The following ATRN variants were observed in gnomAD, a reference collection of about 807,000 sequenced individuals.
The protein encoded by ATRN is attractin.
A neutral mutation model predicts 178.7 loss-of-function variants in ATRN; 54 were observed. The ratio of observed to expected loss-of-function variants is 0.30; its 90% CI spans 0.24 to 0.38. The LOEUF (loss-of-function observed/expected upper bound fraction) is 0.38. ATRN is among the 10% of genes least tolerant of loss of function. ATRN has a pLI of 1.00. For missense variants in ATRN, 1,443 were observed against 1,815.1 expected (o/e 0.79, Z 3.73); for synonymous variants, 636 against 663.0 (o/e 0.96, Z 0.63).
chr20:3,604,387 A>G (rs1018628204), intron 24 of ATRN, 125 bp downstream of exon 24: 24 of 1,119,798 alleles, frequency 2.1e-5, no homozygotes, highest in South Asian at 1.3e-4. Context: ...TGTAACGTGT[A>G]TGGCAGAGGA....
chr20:3,474,263 C>T (rs1317867561), intron 1 of ATRN, among the ~76,000 whole-genome samples: 2 of 152,126 alleles, frequency 1.3e-5, no homozygotes, highest in Non-Finnish European at 2.9e-5. Context: ...TGTGGACATT[C>T]CCTTTGAGCT....
chr20:3,646,781 G>A lies in ATRN; in HGVS notation c.4224G>A (p.Lys1408=). The change falls in exon 29 of 29, where the codon AAG becomes AAA. Residue 1408 remains lysine (K), a synonymous_variant. Transcript: ENST00000262919. ...DISQQMPIVY[K]EKSGAVRNRK... ...CTCAGCAGATGCCGATAGTGTACAA[G>A]GAGAAGTCAGGAGCCGTGAGAAACC... 1 of 1,609,964 alleles carries A rather than the reference G, an allele frequency of 6.2e-7. No individual in the cohort carries two copies. Among genetic ancestry groups the A allele is most frequent in the Non-Finnish European group, 8.5e-7 (1 of 1,178,232 alleles).
At chr20:3,549,085 T>G in intron 5 of ATRN, 85 bp from the exon 6 acceptor site, 1 of 1,085,634 alleles carries the variant, frequency 9.2e-7, no homozygotes, top group South Asian at 1.6e-5. Context: ...ATTTAAATAT[T>G]TGTTACATTT....
chr20:3,601,160 T>G (rs1444735607), intron 23 of ATRN, 136 bp downstream of exon 23: 1 of 666,884 alleles, frequency 1.5e-6, no homozygotes, highest in African/African-American at 1.8e-5. Flanking sequence ...CTATGAGACC[T>G]TGAGCAAGTA....
chr20:3,471,174 G>T lies in ATRN; in HGVS notation c.67G>T (p.Ala23Ser), dbSNP rs1229822389. ...GAGGACGGCGGCGACGGCAGCGCTC[G>T]CGGGCAGGAGCGGCGGGCCGCACTG... ...RRRTAATAAL[A>S]GRSGGPHWDW... is the part of the protein sequence containing the mutation. Residue 23 changes from alanine to serine, a missense_variant, in exon 1 of 29, where the codon GCG (alanine) becomes TCG (serine). Coordinates refer to ENST00000262919, the MANE Select transcript of ATRN (RefSeq NM_139321.3). 6.7e-7 allele frequency: 1 copy of T among 1,503,272 alleles called. No individual in the cohort carries two copies. The highest frequency in any genetic ancestry group is 2.1e-5 in the Admixed American group (1 of 48,152). 93.1% of individuals were successfully genotyped at this position (1,503,272 alleles called of 1,614,324 possible). A position where few individuals can be genotyped will look rare whatever the true frequency, so the allele number is the denominator to read the frequency against.
At chr20:3,506,013 C>A (rs1020811801) in intron 1 of ATRN, among the ~76,000 whole-genome samples, 2 of 152,026 alleles carry the variant, frequency 1.3e-5, no homozygotes, top group African/African-American at 4.8e-5. Flanking sequence ...GAGGTAGATC[C>A]TTGAATCTAT....
chr20:3,635,018 T>A (rs2087015333), intron 26 of ATRN, among the ~76,000 whole-genome samples: 1 of 152,106 alleles, frequency 6.6e-6, no homozygotes, highest in South Asian at 2.1e-4. Context: ...GGGGTGTGTA[T>A]GTGCGTGTGT....
intron 1 of ATRN, among the ~76,000 whole-genome samples, chr20:3,494,891 TGC>T (rs1434041348): frequency 6.6e-6 from 1 of 152,172 alleles, no homozygotes; most frequent in East Asian, 1.9e-4. Flanking sequence ...ACTTGTCCAT[TGC>T]TTTTATTGAG....
chr20:3,578,128 T>G (rs1019446302), intron 14 of ATRN, among the ~76,000 whole-genome samples: 1 of 152,232 alleles, frequency 6.6e-6, no homozygotes, highest in Non-Finnish European at 1.5e-5. Flanking sequence ...GATTGTACCT[T>G]CCACCTGATG....
intron 1 of ATRN, among the ~76,000 whole-genome samples, chr20:3,474,194 T>C (rs2084478262): frequency 6.6e-6 from 1 of 152,122 alleles, no homozygotes; most frequent in South Asian, 2.1e-4. Flanking sequence ...GAACAGGCAG[T>C]CCTGACACTG....
chr20:3,594,478 G>A lies in ATRN; in HGVS notation c.3323-1G>A. 6.2e-7 allele frequency: 1 copy of A among 1,601,942 alleles called. No homozygotes were observed. The stretch of plus-strand genomic sequence containing the variant: ...CCTCTGTTCCTTTTTCTTCTCTGCA[G>A]CATGCAAGTGCAATGGGCACGCGTC... On this transcript the variant is annotated splice_acceptor_variant, in intron 19 of 28. Transcript: ENST00000262919. LOFTEE classifies it high-confidence loss of function.
intron 25 of ATRN, among the ~76,000 whole-genome samples, chr20:3,625,585 A>G (rs1363379638): frequency 6.6e-6 from 1 of 152,220 alleles, no homozygotes; most frequent in Non-Finnish European, 1.5e-5. Flanking sequence ...ATAAAATAAA[A>G]TAAAGTATCA....
At chr20:3,644,754 T>C (rs1170483169) in intron 28 of ATRN, among the ~76,000 whole-genome samples, 1 of 152,168 alleles carries the variant, frequency 6.6e-6, no homozygotes, top group Admixed American at 6.5e-5. Flanking sequence ...TTTCTTTTGC[T>C]TTTTCACTGT....
intron 24 of ATRN, among the ~76,000 whole-genome samples, chr20:3,614,440 G>A (rs778651620): frequency 3.3e-4 from 50 of 152,172 alleles, no homozygotes; most frequent in Non-Finnish European, 6.5e-4. Context: ...AAGTCTGCGT[G>A]CTGGGTGTTT....
chr20:3,490,902 G>C (rs554311868), intron 1 of ATRN: 28 of 1,138,770 alleles, frequency 2.5e-5, no homozygotes, highest in South Asian at 2.2e-4. Context: ...GCGGTGATCA[G>C]AATTGAGCGT....
chr20:3,500,237 G>T (rs896791458), intron 1 of ATRN, among the ~76,000 whole-genome samples: 4 of 152,180 alleles, frequency 2.6e-5, no homozygotes, highest in Non-Finnish European at 5.9e-5. Flanking sequence ...CTGTTGATGG[G>T]ACTGTAAACT....
At chr20:3,523,090 C>T (rs903163379) in intron 1 of ATRN, among the ~76,000 whole-genome samples, 15 of 151,886 alleles carry the variant, frequency 9.9e-5, no homozygotes, top group Non-Finnish European at 2.9e-5. Context: ...AAGTAGGCTT[C>T]AGAAGGTGGG....
intron 1 of ATRN, chr20:3,490,087 G>T: frequency 3.7e-6 from 5 of 1,336,846 alleles, no homozygotes; most frequent in South Asian, 1.2e-5. Context: ...TCAATGTCTC[G>T]CTTGGTGCCC....
Position 3,471,160 on chromosome 20 carries a change from C to G in ATRN, c.53C>G (p.Ala18Gly), listed in dbSNP as rs1298391048. The G allele has an allele frequency of 1.3e-6, 2 of 1,505,626 alleles. No homozygotes were observed. Among genetic ancestry groups the G allele is most frequent in the South Asian group, 2.4e-5 (2 of 81,716 alleles). The allele number at this position is 1,505,626 out of a possible 1,614,324, so 93.3% of individuals were successfully genotyped here. ...TEARLRRRTA[A>G]TAALAGRSGG... ...GCAAGGCTGAGGAGGAGGACGGCGG[C>G]GACGGCAGCGCTCGCGGGCAGGAGC... is the stretch of plus-strand genomic sequence containing the variant. Residue 18 changes from alanine to glycine, a missense_variant, in exon 1 of 29, where the codon GCG becomes GGG. Around this residue, in one of 4 missense-constraint regions of ATRN, gnomAD observed 862 missense variants for 972.1 expected, o/e 0.89. Coordinates refer to ENST00000262919, the MANE Select transcript of ATRN (RefSeq NM_139321.3).
Sources: allele counts gnomAD v4.1 joint callset (sites outside exome capture counted in the v4.1 genomes callset), GRCh38; gene constraint gnomAD v4.1.1; regional missense constraint gnomAD v4.1.1; transcripts MANE v1.5; gene names NCBI Gene and HGNC (gene_info 2026-07-23, HGNC 2026-07-21).